The following IL16 variants were observed in gnomAD, a reference collection of about 807,000 sequenced individuals.
IL16 encodes the protein interleukin 16.
In IL16, 67 loss-of-function variants were observed where a neutral mutation model predicts 110.1. The observed-to-expected ratio is 0.61, with a 90% CI of 0.50 to 0.75. The LOEUF is 0.75. Ranked by LOEUF, IL16 falls within the 30% of genes least tolerant of loss-of-function variation. The pLI is 0.00. For missense variants in IL16, 1,545 were observed against 1,655.0 expected (o/e 0.93, Z 1.15); for synonymous variants, 689 against 662.9 (o/e 1.04, Z -0.61).
intron 5 of IL16, among the ~76,000 whole-genome samples, chr15:81,271,320 A>G (rs937481574): frequency 2.0e-5 from 3 of 151,552 alleles, no homozygotes; most frequent in African/African-American, 7.3e-5. Context: ...AATATATAAA[A>G]TAATTAACCC....
intron 2 of IL16, among the ~76,000 whole-genome samples, chr15:81,226,607 A>G (rs77268393): frequency 6.6e-6 from 1 of 152,212 alleles, no homozygotes; most frequent in South Asian, 2.1e-4. Context: ...CTTCTTCAGG[A>G]GGGAAATCAC....
At chr15:81,265,973 GA>G (rs150453388) in intron 4 of IL16, among the ~76,000 whole-genome samples, 172 bp downstream of exon 4, 2,679 of 152,310 alleles carry the variant, frequency 0.018, 64 homozygotes, top group African/African-American at 0.061. Flanking sequence ...TCTGGGCTGA[GA>G]ACCGCATTAG....
intron 2 of IL16, among the ~76,000 whole-genome samples, chr15:81,252,501 CAATT>C (rs893546618): frequency 3.3e-5 from 5 of 152,096 alleles, no homozygotes; most frequent in South Asian, 2.1e-4. Flanking sequence ...ACATACCACA[CAATT>C]AAACCATTTA....
chr15:81,308,688 C>G lies in IL16; in HGVS notation c.3889C>G (p.Arg1297Gly). The change falls in exon 19 of 19, where the codon CGG becomes GGG. Residue 1297 changes from arginine (R) to glycine (G), a missense_variant. By Grantham distance (125) the Arg-to-Gly change is moderately radical. This residue lies in a region of IL16 where 356 missense variants were observed against 399.3 expected (regional missense o/e 0.89). Coordinates refer to ENST00000683961, the MANE Select transcript of IL16 (RefSeq NM_172217.5). ...TGGCACTGCCATGCAGGGCCTCACA[C>G]GGTTTGAAGCCTGGAACATCATCAA... ...LGGTAMQGLT[R>G]FEAWNIIKAL... 6.2e-7 allele frequency: 1 copy of G among 1,613,690 alleles called. No individual in the cohort carries two copies.
In IL16 at chr15:81,292,769, G is replaced by A; in HGVS notation, c.1634G>A (p.Ser545Asn). 1 of 1,614,168 alleles carries A rather than the reference G, an allele frequency of 6.2e-7. No individual in the cohort carries two copies. Among genetic ancestry groups the A allele is most frequent in the Non-Finnish European group, 8.5e-7 (1 of 1,180,032 alleles). ...SDVDISTHSP[S>N]LPLAREPVVL... ...GTGGACATCAGCACACACAGCCCCA[G>A]CTTGCCTCTGGCACGGGAGCCAGTG... Residue 545 changes from serine to asparagine, a missense_variant, in exon 12 of 19, where the codon AGC becomes AAC. Ser to Asn is a conservative substitution (Grantham distance 46). Around this residue, in one of 3 missense-constraint regions of IL16, gnomAD observed 1,185 missense variants for 1,238.8 expected, o/e 0.96. Coordinates refer to ENST00000683961, the MANE Select transcript of IL16 (RefSeq NM_172217.5).
chr15:81,306,606 AAAAGGCTTC>A (rs1900577941), intron 18 of IL16, 61 bp downstream of exon 18: 1 of 1,598,538 alleles, frequency 6.3e-7, no homozygotes, highest in African/African-American at 1.3e-5. Flanking sequence ...CCAGGCCCCC[AAAAGGCTTC>A]TGGGCACTTT....
intron 1 of IL16, among the ~76,000 whole-genome samples, chr15:81,206,680 A>C (rs1336885766): frequency 6.6e-6 from 1 of 152,212 alleles, no homozygotes; most frequent in African/African-American, 2.4e-5. Flanking sequence ...CAGCAACACT[A>C]AATCTGGGAA....
intron 7 of IL16, 129 bp from the exon 8 acceptor site, chr15:81,279,429 G>T: frequency 4.7e-6 from 3 of 632,054 alleles, no homozygotes; most frequent in Non-Finnish European, 8.2e-6. Flanking sequence ...TTTGTAACAT[G>T]TATGAATATA....
intron 1 of IL16, among the ~76,000 whole-genome samples, chr15:81,224,719 T>C (rs1043592272): frequency 1.3e-5 from 2 of 152,184 alleles, no homozygotes; most frequent in Non-Finnish European, 2.9e-5. Flanking sequence ...CCTTGGGCTC[T>C]TCATCTGTCA....
chr15:81,305,845 T>C, intron 16 of IL16, 63 bp from the exon 17 acceptor site: 6 of 1,576,594 alleles, frequency 3.8e-6, no homozygotes, highest in Non-Finnish European at 5.2e-6. Flanking sequence ...TCAATCCTCC[T>C]CCAGCAAGTA....
Position 81,292,719 on chromosome 15 carries a change from C to T in IL16, c.1584C>T (p.Gly528=). ...CCCCAGGGGGAAGTCCTGGGAGTGGCAGTGCTGAGAAGCCGTCCTCTGACG... is the reference window on the plus strand; with the variant it reads ...CCCCAGGGGGAAGTCCTGGGAGTGGTAGTGCTGAGAAGCCGTCCTCTGACG... The part of the protein sequence containing the change: ...SGSPGGSPGS[G]SAEKPSSDVD... The change falls in exon 12 of 19, where the codon GGC becomes GGT. Residue 528 remains glycine (G), a synonymous_variant. Coordinates refer to ENST00000683961, the MANE Select transcript of IL16 (RefSeq NM_172217.5). 2 of 1,614,126 alleles carry T rather than the reference C, an allele frequency of 1.2e-6. No individual in the cohort carries two copies. The highest frequency in any genetic ancestry group is 1.1e-5 in the South Asian group (1 of 91,076).
At chr15:81,198,745 T>C (rs11633320) in intron 1 of IL16, among the ~76,000 whole-genome samples, 20,050 of 100,662 alleles carry the variant, frequency 0.2, 1,693 homozygotes, top group East Asian at 0.45. Flanking sequence ...ACTGGCCAGG[T>C]ACAGTGGCTC....
intron 1 of IL16, chr15:81,183,024 A>T (rs1895367288): frequency 2.1e-6 from 1 of 475,548 alleles, no homozygotes; most frequent in Admixed American, 2.5e-5. Flanking sequence ...TATATGAGTG[A>T]GTGTGTGTGT....
Position 81,225,287 on chromosome 15 carries a change from T to C in IL16, c.-101-12T>C. 6.7e-7 allele frequency: 1 copy of C among 1,502,196 alleles called. No individual in the cohort carries two copies. The highest frequency in any genetic ancestry group is 1.4e-5 in the African/African-American group (1 of 72,038). 93.1% of individuals were successfully genotyped at this position (1,502,196 alleles called of 1,614,324 possible). ...AGTCACATTGCTTCTTCCCATTTCC[T>C]CTTTCCTCTAGGGACTCATGAAGTG... On this transcript the variant is annotated splice_polypyrimidine_tract_variant and intron_variant, in intron 1 of 18. Transcript: ENST00000683961.
intron 2 of IL16, among the ~76,000 whole-genome samples, chr15:81,231,304 G>A (rs953299143): frequency 1.4e-5 from 2 of 139,772 alleles, no homozygotes; most frequent in African/African-American, 2.6e-5. Context: ...GGGGAGGGGA[G>A]ATCTACCCAA....
At chr15:81,260,685 A>G (rs1294245368) in intron 3 of IL16, among the ~76,000 whole-genome samples, 1 of 152,224 alleles carries the variant, frequency 6.6e-6, no homozygotes, top group Non-Finnish European at 1.5e-5. Flanking sequence ...GGCCTGGTTA[A>G]GAGCTCACAT....
chr15:81,296,676 A>G (rs978804671), intron 12 of IL16, among the ~76,000 whole-genome samples: 2 of 152,216 alleles, frequency 1.3e-5, no homozygotes, highest in African/African-American at 2.4e-5. Context: ...GTCTTCAAGT[A>G]TGTCAACAGT....
intron 1 of IL16, among the ~76,000 whole-genome samples, chr15:81,186,809 C>G (rs1472828452): frequency 6.6e-6 from 1 of 151,344 alleles, no homozygotes; most frequent in Admixed American, 6.6e-5. Context: ...ATGCATCCAT[C>G]TTTTTTTTTC....
At chr15:81,286,703 T>C (rs1899466511) in intron 10 of IL16, among the ~76,000 whole-genome samples, 1 of 152,104 alleles carries the variant, frequency 6.6e-6, no homozygotes, top group African/African-American at 2.4e-5. Context: ...GGAAGGAAGC[T>C]GATGGTGAGA....
Sources: allele counts gnomAD v4.1 joint callset (sites outside exome capture counted in the v4.1 genomes callset), GRCh38; gene constraint gnomAD v4.1.1; regional missense constraint gnomAD v4.1.1; transcripts MANE v1.5; gene names NCBI Gene and HGNC (gene_info 2026-07-23, HGNC 2026-07-21).